The following NPNT variants were observed in gnomAD, a reference collection of about 807,000 sequenced individuals.
The protein encoded by NPNT is preosteoblast EGF-like repeat protein with MAM domain.
A neutral mutation model predicts 68.6 loss-of-function variants in NPNT; 45 were observed. That is an observed-to-expected ratio of 0.66 (90% CI 0.52 to 0.84). NPNT has a LOEUF of 0.84. NPNT is among the 40% of genes least tolerant of loss of function. NPNT has a pLI of 0.00. For synonymous variants in NPNT, 233 were observed against 253.3 expected (o/e 0.92, Z 0.76); for missense variants, 672 against 714.8 (o/e 0.94, Z 0.68).
chr4:105,898,345 TC>T, intron 2 of NPNT, among the ~76,000 whole-genome samples: 1 of 141,788 alleles, frequency 7.1e-6, no homozygotes, highest in African/African-American at 2.8e-5. Flanking sequence ...TCTCTCTCTC[TC>T]TCTCTCTCTC....
chr4:105,968,831 C>A, intron 11 of NPNT, 64 bp from the exon 12 acceptor site: 2 of 899,566 alleles, frequency 2.2e-6, no homozygotes, highest in South Asian at 1.6e-5. Context: ...TTTATTTTTG[C>A]TTAATAAGGA....
intron 8 of NPNT, among the ~76,000 whole-genome samples, chr4:105,952,563 AAAT>A (rs1421384259): frequency 6.6e-6 from 1 of 152,186 alleles, no homozygotes; most frequent in Non-Finnish European, 1.5e-5. Flanking sequence ...AAAATAAACA[AAAT>A]AATCTGACAA....
chr4:105,952,734 T>C (rs972745230), intron 8 of NPNT, among the ~76,000 whole-genome samples: 1 of 152,218 alleles, frequency 6.6e-6, no homozygotes, highest in Admixed American at 6.5e-5. Context: ...TAGATTCTTT[T>C]GGCTTGAGTG....
At chr4:105,937,203 G>T in intron 4 of NPNT, 75 bp downstream of exon 4, 4 of 1,486,432 alleles carry the variant, frequency 2.7e-6, no homozygotes, top group Middle Eastern at 1.8e-4. Context: ...TTGCTTTTGT[G>T]AAAATGGCCT....
At chr4:105,956,002 A>C (rs907800814) in intron 8 of NPNT, among the ~76,000 whole-genome samples, 4 of 152,144 alleles carry the variant, frequency 2.6e-5, no homozygotes, top group African/African-American at 9.7e-5. Flanking sequence ...AGTGGATTGT[A>C]ATGAAGGTAT....
At chr4:105,957,919 A>G (rs1193340424) in intron 8 of NPNT, among the ~76,000 whole-genome samples, 2 of 152,202 alleles carry the variant, frequency 1.3e-5, no homozygotes, top group Non-Finnish European at 2.9e-5. Context: ...CTCTGGCCCA[A>G]GAAGTTTGAG....
intron 10 of NPNT, among the ~76,000 whole-genome samples, chr4:105,965,054 T>C (rs537677491): frequency 6.6e-6 from 1 of 152,264 alleles, no homozygotes; most frequent in South Asian, 2.1e-4. Flanking sequence ...ATTTTGTGAA[T>C]TGAAAATTTA....
At chr4:105,895,781 T>C (rs1725776804) in intron 1 of NPNT, 58 bp downstream of exon 1, 1 of 1,419,858 alleles carries the variant, frequency 7.0e-7, no homozygotes, top group Non-Finnish European at 9.7e-7. Flanking sequence ...ACACTCACTG[T>C]CTTGGGTCAC....
chr4:105,907,475 A>G (rs1177078997), intron 2 of NPNT, among the ~76,000 whole-genome samples: 1 of 152,216 alleles, frequency 6.6e-6, no homozygotes, highest in Non-Finnish European at 1.5e-5. Flanking sequence ...TTGTCACCGT[A>G]TATCAACGTG....
chr4:105,942,822 G>A, intron 8 of NPNT, 120 bp downstream of exon 8: 1 of 917,730 alleles, frequency 1.1e-6, no homozygotes, highest in Non-Finnish European at 1.6e-6. Flanking sequence ...AAAGTCGTAT[G>A]TCCCTATTGA....
At chr4:105,938,725 G>A (rs1201897273) in intron 5 of NPNT, among the ~76,000 whole-genome samples, 3 of 152,202 alleles carry the variant, frequency 2.0e-5, no homozygotes, top group African/African-American at 7.2e-5. Context: ...TAGAATGTAA[G>A]CGGCAAGGGT....
intron 10 of NPNT, among the ~76,000 whole-genome samples, chr4:105,959,809 C>CTTTT (rs35297511): frequency 2.3e-5 from 3 of 131,542 alleles, no homozygotes; most frequent in African/African-American, 5.6e-5. Context: ...GTAGTTAAAT[C>CTTTT]TTTTTTTTTT....
At chr4:105,940,444 T>C (rs1729844923) in intron 6 of NPNT, 70 bp from the exon 7 acceptor site, 18 of 1,453,022 alleles carry the variant, frequency 1.2e-5, no homozygotes, top group Non-Finnish European at 1.5e-5. Flanking sequence ...TTTTTGAAAC[T>C]GTATATATTT....
At chr4:105,909,841 C>G (rs1029458082) in intron 2 of NPNT, among the ~76,000 whole-genome samples, 5 of 152,126 alleles carry the variant, frequency 3.3e-5, no homozygotes, top group African/African-American at 7.2e-5. Context: ...TATGCATGCA[C>G]CTGGCATTTA....
chr4:105,946,553 G>A (rs1730403563), intron 8 of NPNT, among the ~76,000 whole-genome samples: 1 of 152,030 alleles, frequency 6.6e-6, no homozygotes, highest in Admixed American at 6.6e-5. Flanking sequence ...TTTACAGCTG[G>A]GTCTACGGGG....
chr4:105,963,063 A>G (rs1221097769), intron 10 of NPNT, among the ~76,000 whole-genome samples: 1 of 152,080 alleles, frequency 6.6e-6, no homozygotes, highest in Non-Finnish European at 1.5e-5. Context: ...CGTCTTTACT[A>G]AAAATACAAA....
At chr4:105,912,306 A>C in intron 2 of NPNT, 1 of 1,052,230 alleles carries the variant, frequency 9.5e-7, no homozygotes, top group Non-Finnish European at 1.4e-6. Context: ...CCTTCTAAAT[A>C]ATTTTACAAA....
At chr4:105,921,895 G>A (rs1728281173) in intron 2 of NPNT, among the ~76,000 whole-genome samples, 1 of 152,176 alleles carries the variant, frequency 6.6e-6, no homozygotes, top group Non-Finnish European at 1.5e-5. Flanking sequence ...CTTGTTGGGT[G>A]TAAAAACAGC....
In NPNT at chr4:105,895,719, G is replaced by A. The variant is rs552926423; in HGVS notation, c.67G>A (p.Gly23Arg). 2.6e-6 allele frequency: 4 copies of A among 1,552,732 alleles called. No individual in the cohort carries two copies. Among genetic ancestry groups the A allele is most frequent in the African/African-American group, 1.4e-5 (1 of 73,186 alleles). Reference protein sequence around the residue: ...LYLQAAAEFDGRWPRQIVSSI... With the variant: ...LYLQAAAEFDRRWPRQIVSSI... ...CCTGCAGGCGGCCGCCGAGTTCGAC[G>A]GGAGGTGAGCTGGGCCCCGGGGCGC... The change falls in exon 1 of 12, where the codon GGG becomes AGG. Residue 23 changes from glycine (G) to arginine (R), a missense_variant. Coordinates refer to ENST00000379987, the MANE Select transcript of NPNT (RefSeq NM_001033047.3).
Sources: allele counts gnomAD v4.1 joint callset (sites outside exome capture counted in the v4.1 genomes callset), GRCh38; gene constraint gnomAD v4.1.1; transcripts MANE v1.5; gene names NCBI Gene and HGNC (gene_info 2026-07-23, HGNC 2026-07-21).